The following SLC24A2 variants were observed in gnomAD, a reference collection of about 807,000 sequenced individuals.
SLC24A2 encodes sodium/potassium/calcium exchanger 2.
SLC24A2 carries 36 observed loss-of-function variants against 62.0 expected under a neutral mutation model. The observed-to-expected ratio is 0.58, with a 90% CI of 0.44 to 0.77. SLC24A2 has a LOEUF of 0.77. SLC24A2 is among the 30% of genes least tolerant of loss of function. The pLI, the probability that SLC24A2 is intolerant of heterozygous loss-of-function variation, is 0.00. For synonymous variants in SLC24A2, 358 were observed against 294.0 expected (o/e 1.22, Z -2.23); for missense variants, 846 against 817.9 (o/e 1.03, Z -0.42).
At chr9:20,145,732 A>T in the SLC24A2 span, among the ~76,000 whole-genome samples, 2 of 151,620 alleles carry the variant, frequency 1.3e-5, no homozygotes, top group Non-Finnish European at 2.9e-5. Context: ...ATATAAAAGC[A>T]CTATTTTCCT....
chr9:20,191,635 C>T, the SLC24A2 span, among the ~76,000 whole-genome samples: 1 of 151,226 alleles, frequency 6.6e-6, no homozygotes, highest in East Asian at 1.9e-4. Flanking sequence ...AGAGAATGTT[C>T]AGTGTGGCCT....
At chr9:20,191,656 G>A in the SLC24A2 span, among the ~76,000 whole-genome samples, 4 of 151,370 alleles carry the variant, frequency 2.6e-5, no homozygotes, top group Non-Finnish European at 5.9e-5. Flanking sequence ...CCTTGTGGCA[G>A]TAGAGAATTC....
the SLC24A2 span, among the ~76,000 whole-genome samples, chr9:20,198,089 A>C: frequency 1.3e-5 from 2 of 152,212 alleles, no homozygotes; most frequent in African/African-American, 4.8e-5. Context: ...TTGTAGCCCC[A>C]GGTACCAAGG....
At chr9:19,651,514 A>G (rs1387288176) in intron 2 of SLC24A2, among the ~76,000 whole-genome samples, 1 of 152,190 alleles carries the variant, frequency 6.6e-6, no homozygotes. Context: ...ATGACATTAG[A>G]CAGCAAGGAA....
At chr9:20,274,264 T>C in the SLC24A2 span, among the ~76,000 whole-genome samples, 1 of 152,076 alleles carries the variant, frequency 6.6e-6, no homozygotes, top group African/African-American at 2.4e-5. Context: ...CCAGGAGTGC[T>C]GGGGGCCTGC....
chr9:19,928,762 A>T, the SLC24A2 span: 1 of 152,202 alleles, frequency 6.6e-6, no homozygotes, highest in Non-Finnish European at 1.5e-5. Context: ...GTTGCCAAAA[A>T]CTTAGAATGA....
the SLC24A2 span, among the ~76,000 whole-genome samples, chr9:20,187,544 C>T: frequency 1.3e-5 from 2 of 152,192 alleles, no homozygotes; most frequent in Non-Finnish European, 2.9e-5. Context: ...TGCTTCAATT[C>T]TTGCAGTTCT....
rs376703293 is a variant in SLC24A2, at chr9:19,550,136, C to T, written c.1479+1G>A. On this transcript the variant is annotated splice_donor_variant, in intron 8 of 10. Transcript: ENST00000341998. LOFTEE classifies it high-confidence loss of function. Reference sequence around the variant, plus strand: ...AACTATTTTTAAAATGCTTTACTTACAGGTTTGCGAACGTCAGGTAACGTA... The same window carrying T: ...AACTATTTTTAAAATGCTTTACTTATAGGTTTGCGAACGTCAGGTAACGTA... 6.2e-7 allele frequency: 1 copy of T among 1,613,674 alleles called. No homozygotes were observed.
the SLC24A2 span, among the ~76,000 whole-genome samples, chr9:19,991,047 TAC>T: frequency 1.3e-5 from 2 of 149,064 alleles, no homozygotes; most frequent in African/African-American, 5.0e-5. Flanking sequence ...CATACATACA[TAC>T]ATACATACAT....
chr9:19,779,938 C>T (rs1482595778), intron 2 of SLC24A2, among the ~76,000 whole-genome samples: 1 of 151,928 alleles, frequency 6.6e-6, no homozygotes, highest in African/African-American at 2.4e-5. Context: ...TGGCGGGCGC[C>T]TGTAGTGCCG....
At chr9:20,085,304 G>A in the SLC24A2 span, among the ~76,000 whole-genome samples, 1 of 152,130 alleles carries the variant, frequency 6.6e-6, no homozygotes, top group African/African-American at 2.4e-5. Context: ...TGGCCCCAAG[G>A]TCTGTTTTGA....
At chr9:20,141,377 G>A in the SLC24A2 span, among the ~76,000 whole-genome samples, 15 of 152,026 alleles carry the variant, frequency 9.9e-5, no homozygotes, top group South Asian at 4.2e-4. Context: ...ATTTGTGGTC[G>A]TCTCATTGTT....
chr9:19,776,520 G>A (rs1035711320), intron 2 of SLC24A2, among the ~76,000 whole-genome samples: 1 of 152,164 alleles, frequency 6.6e-6, no homozygotes, highest in African/African-American at 2.4e-5. Flanking sequence ...ACATGCAGCT[G>A]CCCAGGATAG....
chr9:20,141,133 T>C, the SLC24A2 span, among the ~76,000 whole-genome samples: 1 of 152,128 alleles, frequency 6.6e-6, no homozygotes. Flanking sequence ...TTGGGCAAGT[T>C]TCCATGTCTA....
At chr9:19,543,407 A>G (rs1233515079) in intron 8 of SLC24A2, among the ~76,000 whole-genome samples, 2 of 146,498 alleles carry the variant, frequency 1.4e-5, no homozygotes, top group Non-Finnish European at 3.0e-5. Context: ...TTTTTTTTGA[A>G]GGGTTTTTCA....
the SLC24A2 span, among the ~76,000 whole-genome samples, chr9:20,180,860 T>G: frequency 6.6e-6 from 1 of 152,182 alleles, no homozygotes; most frequent in African/African-American, 2.4e-5. Flanking sequence ...TGTAATAGCA[T>G]AGCTTGCCAC....
chr9:20,204,262 A>C, the SLC24A2 span, among the ~76,000 whole-genome samples: 3 of 152,250 alleles, frequency 2.0e-5, no homozygotes, highest in Non-Finnish European at 2.9e-5. Context: ...AAAAGTCAGC[A>C]AAAGAATCCA....
the SLC24A2 span, among the ~76,000 whole-genome samples, chr9:19,995,897 T>G: frequency 1.3e-5 from 2 of 152,162 alleles, no homozygotes; most frequent in African/African-American, 2.4e-5. Flanking sequence ...GAGATGAACA[T>G]GCATACACAC....
chr9:19,521,163 G>A, intron 9 of SLC24A2, 103 bp from the exon 10 acceptor site: 3 of 1,009,048 alleles, frequency 3.0e-6, no homozygotes, highest in Non-Finnish European at 4.6e-6. Flanking sequence ...TTTCTATACT[G>A]TGCTATGCAA....
Sources: gnomAD v4.1 joint callset for allele counts (sites outside exome capture counted in the v4.1 genomes callset) on GRCh38, gnomAD v4.1.1 for gene constraint, MANE v1.5 for transcripts, NCBI Gene and HGNC (gene_info 2026-07-23, HGNC 2026-07-21) for gene names.